Variants in ZPLD1 observed in about 807,000 individuals in gnomAD.
The protein encoded by ZPLD1 is zona pellucida like domain containing 1, also known as zona pellucida-like domain-containing protein 1.
Under a neutral mutation model 47.2 loss-of-function variants are expected in ZPLD1, and 34 were observed. The ratio of observed to expected loss-of-function variants is 0.72; its 90% CI spans 0.55 to 0.96. The LOEUF is 0.96. Among genes scored for constraint, ZPLD1 ranks in the 40% least tolerant of loss-of-function variants. ZPLD1 has a pLI of 0.00. For synonymous variants in ZPLD1, 176 were observed against 186.2 expected, an observed-to-expected ratio of 0.95 and a Z score of 0.45; for missense variants, 512 against 505.8, an observed-to-expected ratio of 1.01 and a Z score of -0.12.
chr3:102,394,799 C>A (rs1379536181), intron 7 of ZPLD1, among the ~76,000 whole-genome samples: 1 of 152,044 alleles, frequency 6.6e-6, no homozygotes, highest in Non-Finnish European at 1.5e-5. Flanking sequence ...CTCAGTCCTA[C>A]AAAGTACAAT....
chr3:102,450,385 G>A (rs187736116), intron 3 of ZPLD1, among the ~76,000 whole-genome samples: 21 of 152,096 alleles, frequency 1.4e-4, no homozygotes, highest in Admixed American at 5.9e-4. Flanking sequence ...AATTGTTCTC[G>A]TGCTCCTATT....
In ZPLD1 at chr3:102,439,664, T is replaced by C. The variant is rs138137487; in HGVS notation, c.106+1071T>C. Among the ~76,000 whole-genome samples the C allele has an allele frequency of 8.1e-3, 1,227 of 152,336 alleles. 13 individuals are homozygous for C. The highest frequency in any genetic ancestry group is 0.027 in the African/African-American group (1,137 of 41,568). Reference sequence around the variant, plus strand: ...ATTGATTATCTAGCGTTATCAATTATCAACATTTATAAATTTTGTTTGATC... The same window carrying C: ...ATTGATTATCTAGCGTTATCAATTACCAACATTTATAAATTTTGTTTGATC... On this transcript the variant is annotated intron_variant, in intron 3 of 11. Coordinates refer to ENST00000466937, the MANE Select transcript of ZPLD1 (RefSeq NM_001329788.2).
At chr3:102,432,207 G>A (rs1559749231), upstream of ZPLD1, among the ~76,000 whole-genome samples, 1 of 151,998 alleles carries the variant, frequency 6.6e-6, no homozygotes, top group Non-Finnish European at 1.5e-5. Context: ...GATCTTTTCT[G>A]CAGAGCAGGT....
At chr3:102,469,183 T>C (rs1416466932) in intron 9 of ZPLD1, 48 bp downstream of exon 9, 2 of 1,554,586 alleles carry the variant, frequency 1.3e-6, no homozygotes, top group Non-Finnish European at 8.7e-7. Flanking sequence ...TGATCTAAGC[T>C]GAAAGGTTAT....
At chr3:102,445,621 A>G (rs1218035764) in intron 3 of ZPLD1, among the ~76,000 whole-genome samples, 4 of 152,176 alleles carry the variant, frequency 2.6e-5, no homozygotes. Context: ...CAGAATCTGT[A>G]TTTTTATAAG....
intron 8 of ZPLD1, among the ~76,000 whole-genome samples, chr3:102,429,964 G>C (rs543507991): frequency 6.6e-6 from 1 of 152,246 alleles, no homozygotes; most frequent in South Asian, 2.1e-4. Flanking sequence ...AATGCAACAA[G>C]TCCTGTTATT....
At chr3:102,417,377 C>T (rs1353738244) in intron 7 of ZPLD1, among the ~76,000 whole-genome samples, 1 of 151,980 alleles carries the variant, frequency 6.6e-6, no homozygotes, top group East Asian at 1.9e-4. Context: ...GCTGTGGTGC[C>T]TGTGTCGCAG....
Position 102,468,944 on chromosome 3 carries a change from T to C in ZPLD1, c.762-20T>C, listed in dbSNP as rs757770752. ...GGTACTTTCCAGTGATGTCCTGTTT[T>C]CACGTTCCCTAAAATTTAGCTGTGA... is the stretch of plus-strand genomic sequence containing the variant. On this transcript the variant is annotated intron_variant, in intron 8 of 11. Coordinates refer to ENST00000466937, the MANE Select transcript of ZPLD1 (RefSeq NM_001329788.2). 18 of 1,601,348 alleles carry C rather than the reference T, an allele frequency of 1.1e-5. No homozygotes were observed. In the East Asian group the frequency reaches 3.8e-4, roughly 34 times the overall value.
chr3:102,440,665 T>G (rs984765202), intron 3 of ZPLD1, among the ~76,000 whole-genome samples: 57 of 143,238 alleles, frequency 4.0e-4, no homozygotes, highest in Non-Finnish European at 9.0e-5. Context: ...GGATAAGCAA[T>G]GAGTAGGGAG....
intron 7 of ZPLD1, among the ~76,000 whole-genome samples, chr3:102,400,136 A>G (rs1054658324): frequency 2.0e-5 from 3 of 151,992 alleles, no homozygotes; most frequent in Non-Finnish European, 4.4e-5. Flanking sequence ...TTAATTTTAA[A>G]GCATAACTCA....
At chr3:102,450,778 A>AT (rs1236010834) in intron 3 of ZPLD1, among the ~76,000 whole-genome samples, 1 of 152,224 alleles carries the variant, frequency 6.6e-6, no homozygotes, top group Non-Finnish European at 1.5e-5. Flanking sequence ...AAGGAATAGC[A>AT]TGTAGATAGA....
chr3:102,402,941 G>A (rs1018942900), intron 7 of ZPLD1, among the ~76,000 whole-genome samples: 1 of 151,824 alleles, frequency 6.6e-6, no homozygotes, highest in Non-Finnish European at 1.5e-5. Context: ...CCTATTCAAA[G>A]TAAACAAAAT....
intron 7 of ZPLD1, among the ~76,000 whole-genome samples, chr3:102,400,995 C>G (rs1454121158): frequency 6.6e-6 from 1 of 152,080 alleles, no homozygotes; most frequent in East Asian, 1.9e-4. Context: ...CCTCTGCTTT[C>G]TTAGCATTTT....
intron 10 of ZPLD1, among the ~76,000 whole-genome samples, chr3:102,476,781 G>C (rs1464543197): frequency 6.6e-6 from 1 of 152,040 alleles, no homozygotes. Context: ...GGTAGGATGT[G>C]GGCTTGGGGA....
At chr3:102,446,845 C>T (rs933961859) in intron 3 of ZPLD1, among the ~76,000 whole-genome samples, 5 of 152,120 alleles carry the variant, frequency 3.3e-5, no homozygotes, top group African/African-American at 1.2e-4. Context: ...CTTCTTTATT[C>T]AGTAAGCTCC....
At chr3:102,411,177 T>C (rs2107299046) in intron 7 of ZPLD1, among the ~76,000 whole-genome samples, 1 of 151,866 alleles carries the variant, frequency 6.6e-6, no homozygotes, top group Non-Finnish European at 1.5e-5. Flanking sequence ...AGTATTTAAC[T>C]GTGGGAAAAA....
intron 3 of ZPLD1, among the ~76,000 whole-genome samples, chr3:102,449,923 T>G (rs114763254): frequency 0.016 from 2,441 of 152,294 alleles, 30 homozygotes; most frequent in East Asian, 0.036. Context: ...GTTGCTCCAG[T>G]ACCTTATATG....
chr3:102,416,645 T>A (rs1190853135), intron 7 of ZPLD1, among the ~76,000 whole-genome samples: 1 of 151,958 alleles, frequency 6.6e-6, no homozygotes, highest in African/African-American at 2.4e-5. Flanking sequence ...TATTGATACA[T>A]AATAAATGTA....
chr3:102,434,994 A>T (rs1211349423), upstream of ZPLD1: 1 of 1,098,772 alleles, frequency 9.1e-7, no homozygotes, highest in Admixed American at 1.9e-5. Flanking sequence ...AGCAGCCAGG[A>T]TGATATGTTT....
Sources: allele counts gnomAD v4.1 joint callset (sites outside exome capture counted in the v4.1 genomes callset), GRCh38; gene constraint gnomAD v4.1.1; transcripts MANE v1.5; gene names NCBI Gene and HGNC (gene_info 2026-07-23, HGNC 2026-07-21).